Variants in CELA3A observed in about 807,000 individuals in gnomAD.
The protein encoded by CELA3A is chymotrypsin like elastase 3A.
In CELA3A, 35 loss-of-function variants were observed where a neutral mutation model predicts 38.6. The ratio of observed to expected loss-of-function variants is 0.91; its 90% confidence interval spans 0.69 to 1.20. The LOEUF (loss-of-function observed/expected upper bound fraction) is 1.20, where lower values mean the gene tolerates loss of function less well. Among genes scored for constraint, CELA3A ranks in the 50% most tolerant of loss-of-function variants. CELA3A has a pLI of 0.00. For synonymous variants in CELA3A, 143 were observed against 136.7 expected (o/e 1.05, Z -0.32); for missense variants, 343 against 354.2 (o/e 0.97, Z 0.25).
intron 6 of CELA3A, among the ~76,000 whole-genome samples, chr1:22,008,041 C>T (rs1251996666): frequency 2.7e-5 from 4 of 150,724 alleles, no homozygotes; most frequent in African/African-American, 9.8e-5. Context: ...GTAGTCCCAA[C>T]TACTTGATAG....
At chr1:22,008,716 G>A (rs1292827673) in intron 6 of CELA3A, among the ~76,000 whole-genome samples, 2 of 150,118 alleles carry the variant, frequency 1.3e-5, no homozygotes, top group African/African-American at 5.0e-5. Context: ...CCGAGATCGC[G>A]CCACTGCACT....
At chr1:22,008,152 C>CTTTTTTTTTTTTTTTT (rs71016968) in intron 6 of CELA3A, among the ~76,000 whole-genome samples, 1 of 86,856 alleles carries the variant, frequency 1.2e-5, no homozygotes, top group Non-Finnish European at 2.4e-5. Context: ...GACGTTGTCT[C>CTTTTTTTTTTTTTTTT]TTTTTTTTTT....
At chr1:22,001,788 C>T in intron 1 of CELA3A, 71 bp downstream of exon 1, 3 of 1,583,848 alleles carry the variant, frequency 1.9e-6, no homozygotes, top group Non-Finnish European at 2.6e-6. Flanking sequence ...CTACCACTCG[C>T]TCTGAGTCCC....
Position 22,005,701 on chromosome 1 carries a change from C to T in CELA3A, c.267C>T (p.Asn89=). 6.2e-7 allele frequency: 1 copy of T among 1,612,444 alleles called. No individual in the cohort carries two copies. Among genetic ancestry groups the T allele is most frequent in the South Asian group, 1.1e-5 (1 of 91,030 alleles). The change falls in exon 4 of 8, where the codon AAC becomes AAT. Residue 89 remains asparagine (N), a synonymous_variant. Coordinates refer to ENST00000290122, the MANE Select transcript of CELA3A (RefSeq NM_005747.5). ...ACCAGGTGGTGTTGGGTGAGTACAA[C>T]CTTGCTGTGAAGGAGGGCCCCGAGC... ...LTYQVVLGEY[N]LAVKEGPEQV...
At chr1:22,005,133 C>T (rs4417034) in intron 2 of CELA3A, among the ~76,000 whole-genome samples, 99,142 of 135,412 alleles carry the variant, frequency 0.73, 32,028 homozygotes, top group African/African-American at 0.81. Context: ...GCGAGGGGTG[C>T]GTGATAGAAC....
intron 4 of CELA3A, among the ~76,000 whole-genome samples, 175 bp from the exon 5 acceptor site, chr1:22,006,703 C>T (rs1207917493): frequency 2.4e-5 from 3 of 127,124 alleles, no homozygotes; most frequent in Non-Finnish European, 3.5e-5. Context: ...GGCAACAGAC[C>T]GAGACTCTGT....
At position 22,006,939 on chromosome 1, in the gene CELA3A, G is replaced by A. The variant is rs184229274; in HGVS notation, c.424G>A (p.Ala142Thr). ...CCAGCTGGGAGATGCCGTCCAGCTC[G>A]CCTCACTCCCTCCCGCTGGTGACAT... is the stretch of plus-strand genomic sequence containing the variant. Reference protein sequence around the residue: ...SAQLGDAVQLASLPPAGDILP... With the variant: ...SAQLGDAVQLTSLPPAGDILP... Residue 142 changes from alanine (A) to threonine (T), a missense_variant, in exon 5 of 8, where the codon GCC (alanine) becomes ACC (threonine). Physicochemically the swap from Ala to Thr is moderately conservative, Grantham distance 58 (BLOSUM62 0). Transcript: ENST00000290122. 122 of 1,612,328 alleles carry A rather than the reference G, an allele frequency of 7.6e-5. 1 individual carries two copies. The highest frequency in any genetic ancestry group is 5.8e-4 in the Admixed American group (35 of 59,894).
chr1:22,001,797 C>T, intron 1 of CELA3A, 80 bp downstream of exon 1: 1 of 1,569,524 alleles, frequency 6.4e-7, no homozygotes, highest in East Asian at 2.3e-5. Flanking sequence ...GCTCTGAGTC[C>T]CATGACATGC....
At position 22,012,030 on chromosome 1, in the gene CELA3A, G is replaced by A. The variant is rs750804462; in HGVS notation, c.796-420G>A. The stretch of plus-strand genomic sequence containing the variant: ...ATCGTGCACTCCAGCCTGGGCAACA[G>A]AGTGAGACTCTGTCTCAAAAAAAAC... On this transcript the variant is annotated intron_variant, in intron 7 of 7. Coordinates refer to ENST00000290122, the MANE Select transcript of CELA3A (RefSeq NM_005747.5). Among the ~76,000 whole-genome samples the A allele has an allele frequency of 2.4e-5, 3 of 126,622 alleles. 1 individual carries two copies. Among genetic ancestry groups the A allele is most frequent in the Non-Finnish European group, 4.9e-5 (3 of 61,692 alleles). 83.1% of individuals were successfully genotyped at this position (126,622 alleles called of 152,430 possible). A position where few individuals can be genotyped will look rare whatever the true frequency, so the allele number is the denominator to read the frequency against.
In CELA3A at chr1:22,005,672, A is replaced by T. The variant is rs770617535; in HGVS notation, c.238A>T (p.Thr80Ser). The change falls in exon 4 of 8, where the codon ACC (threonine) becomes TCC (serine). Residue 80 changes from threonine (T) to serine (S), a missense_variant. Transcript: ENST00000290122. ...TAGHCISRDL[T>S]YQVVLGEYNL... ...CACCTCTGCCTGCAGGAGGGATCTG[A>T]CCTACCAGGTGGTGTTGGGTGAGTA... is the stretch of plus-strand genomic sequence containing the variant. 12 of 1,612,220 alleles carry T rather than the reference A, an allele frequency of 7.4e-6. No homozygotes were observed. The highest frequency in any genetic ancestry group is 9.3e-6 in the Non-Finnish European group (11 of 1,179,424).
In CELA3A at chr1:22,005,617, G is replaced by A. The variant is rs1344535790; in HGVS notation, c.228-45G>A. 4 of 1,611,808 alleles carry A rather than the reference G, an allele frequency of 2.5e-6. No homozygotes were observed. The African/African-American group carries it at 4.1e-5, about 16-fold the overall frequency. On this transcript the variant is annotated intron_variant, in intron 3 of 7. Transcript: ENST00000290122. The stretch of plus-strand genomic sequence containing the variant: ...GAGTGGGTGATGATGGGGAAGGAGG[G>A]AGGTGAGCCAGTCAGGCCCCGACTG...
At chr1:22,003,257 T>C (rs1200048825) in intron 2 of CELA3A, among the ~76,000 whole-genome samples, 169 bp downstream of exon 2, 19 of 151,200 alleles carry the variant, frequency 1.3e-4, no homozygotes, top group African/African-American at 3.4e-4. Flanking sequence ...TTTGCCCGTT[T>C]CATCTGTAAC....
Position 22,003,077 on chromosome 1 carries a change from T to G in CELA3A, c.118T>G (p.Trp40Gly). ...TGGTGAGGATGCGGTCCCCTACAGC[T>G]GGCCCTGGCAGGTAAGAGCAATAGC... The part of the protein sequence containing the change: ...VHGEDAVPYS[W>G]PWQVSLQYEK... The change falls in exon 2 of 8, where the codon TGG becomes GGG. Residue 40 changes from tryptophan (W) to glycine (G), a missense_variant. Trp to Gly is a radical substitution (Grantham distance 184). Transcript: ENST00000290122. The G allele has an allele frequency of 1.3e-6, 2 of 1,578,528 alleles. No homozygotes were observed. The highest frequency in any genetic ancestry group is 1.7e-6 in the Non-Finnish European group (2 of 1,168,056).
intron 2 of CELA3A, among the ~76,000 whole-genome samples, chr1:22,003,534 G>A (rs1359338138): frequency 6.6e-6 from 1 of 150,474 alleles, no homozygotes; most frequent in Non-Finnish European, 1.5e-5. Context: ...AATTAAATTA[G>A]GCCAGGTGCG....
chr1:22,005,827 G>T, intron 4 of CELA3A, 31 bp downstream of exon 4: 2 of 1,609,674 alleles, frequency 1.2e-6, no homozygotes, highest in East Asian at 2.2e-5. Flanking sequence ...GGAACCCAGG[G>T]GCTCCTCTAC....
chr1:22,008,225 A>C (rs1392669170), intron 6 of CELA3A, among the ~76,000 whole-genome samples: 8 of 134,236 alleles, frequency 6.0e-5, no homozygotes, highest in Admixed American at 5.4e-4. Context: ...ATCATAGCCC[A>C]CTGTAGCCTT....
intron 6 of CELA3A, among the ~76,000 whole-genome samples, chr1:22,008,856 G>A (rs1421782389): frequency 6.6e-6 from 1 of 151,974 alleles, no homozygotes; most frequent in Non-Finnish European, 1.5e-5. Context: ...TATGTTTATC[G>A]AGTGCTTCTT....
At chr1:22,009,508 C>T (rs1263636684) in intron 6 of CELA3A, among the ~76,000 whole-genome samples, 197 bp from the exon 7 acceptor site, 6 of 151,126 alleles carry the variant, frequency 4.0e-5, no homozygotes, top group Admixed American at 2.0e-4. Flanking sequence ...GCCAAGCTTG[C>T]GCCACTGCAC....
rs746217760 is a variant in CELA3A at position 22,006,849 on chromosome 1, A to T, written c.363-29A>T. The T allele has an allele frequency of 1.9e-5, 30 of 1,606,766 alleles. No homozygotes were observed. The Admixed American group carries it at 2.7e-4, about 14-fold the overall frequency. ...TAGGACTTGGGCCGGCTGGAGGACC[A>T]GGCCCCGTGACTGTTCCCTCCTCCC... On this transcript the variant is annotated intron_variant, in intron 4 of 7. Transcript: ENST00000290122.
Sources: gnomAD v4.1 joint callset for allele counts (sites outside exome capture counted in the v4.1 genomes callset) on GRCh38, gnomAD v4.1.1 for gene constraint, MANE v1.5 for transcripts, NCBI Gene and HGNC (gene_info 2026-07-23, HGNC 2026-07-21) for gene names.